Variants in NR1I2 observed in about 807,000 individuals in gnomAD.
The protein encoded by NR1I2 is orphan nuclear receptor PAR1.
A neutral mutation model predicts 43.3 loss-of-function variants in NR1I2; 42 were observed. That is an observed-to-expected ratio of 0.97 (90% CI 0.76 to 1.26). The LOEUF (loss-of-function observed/expected upper bound fraction) is 1.26. Ranked by LOEUF, NR1I2 falls within the 50% of genes most tolerant of loss-of-function variation. The pLI, the probability that NR1I2 is intolerant of heterozygous loss-of-function variation, is 0.00. For missense variants in NR1I2, 559 were observed against 566.7 expected (o/e 0.99, Z 0.14); for synonymous variants, 229 against 215.0 (o/e 1.06, Z -0.57).
At chr3:119,798,317 A>G (rs1435798327) in intron 1 of NR1I2, among the ~76,000 whole-genome samples, 1 of 152,146 alleles carries the variant, frequency 6.6e-6, no homozygotes, top group African/African-American at 2.4e-5. Flanking sequence ...AAAACATCCA[A>G]TGAGTTGTCA....
At chr3:119,792,679 G>A in intron 1 of NR1I2, 1 of 508,516 alleles carries the variant, frequency 2.0e-6, no homozygotes, top group Admixed American at 3.3e-5. Flanking sequence ...TAAAGTGAAG[G>A]AAATACAGAT....
chr3:119,787,770 T>C lies in NR1I2; in HGVS notation c.-23+5470T>C, dbSNP rs372231090. Among the ~76,000 whole-genome samples the C allele has an allele frequency of 9.9e-5, 15 of 151,934 alleles. 1 individual carries two copies. The East Asian group carries it at 2.3e-3, about 24-fold the overall frequency. ...ATATATATTTAATTATGCGTGTGTGTATATATATGTGTGTATACACACATA... is the reference window on the plus strand; with the variant it reads ...ATATATATTTAATTATGCGTGTGTGCATATATATGTGTGTATACACACATA... On this transcript the variant is annotated intron_variant, in intron 1 of 8. Transcript: ENST00000393716.
intron 1 of NR1I2, chr3:119,791,913 G>A: frequency 1.6e-6 from 1 of 641,710 alleles, no homozygotes. Flanking sequence ...TAACATGGAT[G>A]CTGGGCACAG....
intron 8 of NR1I2, among the ~76,000 whole-genome samples, chr3:119,816,037 T>G (rs1350005202): frequency 2.0e-5 from 3 of 152,172 alleles, no homozygotes; most frequent in African/African-American, 7.2e-5. Context: ...GAAAGGGGCT[T>G]CTATACCTTC....
At chr3:119,803,010 C>A in intron 1 of NR1I2, 2 of 455,604 alleles carry the variant, frequency 4.4e-6, no homozygotes, top group Middle Eastern at 3.3e-4. Flanking sequence ...AGGGTAGAAC[C>A]CTCATGATTG....
rs2055345525 is a variant in NR1I2 at position 119,817,358 on chromosome 3, C to A, written c.*146C>A. 1 of 1,533,550 alleles carries A rather than the reference C, an allele frequency of 6.5e-7. No individual in the cohort carries two copies. Among genetic ancestry groups the A allele is most frequent in the Non-Finnish European group, 8.7e-7 (1 of 1,144,362 alleles). 95.0% of individuals were successfully genotyped at this position (1,533,550 alleles called of 1,614,324 possible). A position where few individuals can be genotyped will look rare whatever the true frequency, so the allele number is the denominator to read the frequency against. On this transcript the variant is annotated 3_prime_UTR_variant, in exon 9 of 9. Coordinates refer to ENST00000393716, the MANE Select transcript of NR1I2 (RefSeq NM_003889.4). ...CCCTAGGGAATTCCTGCTATGACAG[C>A]TGGCTAGCATTCCTCAGGAAGGACA...
At chr3:119,791,940 C>T (rs1219647238) in intron 1 of NR1I2, 14 of 666,540 alleles carry the variant, frequency 2.1e-5, no homozygotes, top group East Asian at 3.1e-5. Flanking sequence ...CATCTTTGAC[C>T]GATTCTGTGG....
Position 119,810,151 on chromosome 3 carries a change from C to T in NR1I2, c.288C>T (p.Ala96=). Reference sequence around the variant, plus strand: ...GGAAGACCCGGCGACAGTGCCAGGCCTGCCGCCTGCGCAAGTGCCTGGAGA... The same window carrying T: ...GGAAGACCCGGCGACAGTGCCAGGCTTGCCGCCTGCGCAAGTGCCTGGAGA... The change falls in exon 3 of 9, where the codon GCC becomes GCT. Residue 96 remains alanine (A), a synonymous_variant. Transcript: ENST00000393716. The T allele has an allele frequency of 6.2e-7, 1 of 1,612,850 alleles. No homozygotes were observed. Among genetic ancestry groups the T allele is most frequent in the Non-Finnish European group, 8.5e-7 (1 of 1,179,714 alleles).
At chr3:119,793,847 G>A (rs1330449112) in intron 1 of NR1I2, among the ~76,000 whole-genome samples, 1 of 152,108 alleles carries the variant, frequency 6.6e-6, no homozygotes, top group Non-Finnish European at 1.5e-5. Context: ...ACATTATAGA[G>A]GCATGCCAGG....
intron 1 of NR1I2, among the ~76,000 whole-genome samples, chr3:119,805,520 T>C (rs1430714642): frequency 6.6e-6 from 1 of 152,026 alleles, no homozygotes; most frequent in Admixed American, 6.6e-5. Flanking sequence ...CTGACCAACA[T>C]GGTGAAACCC....
rs774185625 is a variant in NR1I2 at position 119,817,850 on chromosome 3, T to C, written c.*638T>C. The C allele has an allele frequency of 3.0e-4, 303 of 994,472 alleles. No individual in the cohort carries two copies. Among genetic ancestry groups the C allele is most frequent in the Non-Finnish European group, 3.5e-4 (293 of 834,588 alleles). The allele number at this position is 994,472 out of a possible 1,614,324, so 61.6% of individuals were successfully genotyped here. On this transcript the variant is annotated 3_prime_UTR_variant, in exon 9 of 9. Coordinates refer to ENST00000393716, the MANE Select transcript of NR1I2 (RefSeq NM_003889.4). ...ACATCATTCTGTGTCTCTGCATCCATTTGAACACATTATTAAGCACCGATA... is the reference window on the plus strand; with the variant it reads ...ACATCATTCTGTGTCTCTGCATCCACTTGAACACATTATTAAGCACCGATA...
At chr3:119,795,705 G>A (rs1458964291) in intron 1 of NR1I2, among the ~76,000 whole-genome samples, 3 of 152,258 alleles carry the variant, frequency 2.0e-5, no homozygotes, top group South Asian at 2.1e-4. Flanking sequence ...CACTGCCTTA[G>A]TTTTCCCTCT....
intron 5 of NR1I2, among the ~76,000 whole-genome samples, chr3:119,813,681 C>A (rs995949519): frequency 3.3e-5 from 5 of 152,126 alleles, no homozygotes; most frequent in African/African-American, 1.2e-4. Flanking sequence ...CCCAGAGGTT[C>A]TTCTCTGGCC....
chr3:119,810,131 AC>A lies in NR1I2; in HGVS notation c.271del (p.Arg91GlyfsTer17). ...GGGCGCCTGCGAGATCACCCGGAAG[AC>A]CCGGCGACAGTGCCAGGCCTGCCGC... On this transcript the variant is annotated frameshift_variant, in exon 3 of 9. Coordinates refer to ENST00000393716, the MANE Select transcript of NR1I2 (RefSeq NM_003889.4). LOFTEE classifies it high-confidence loss of function. 1 of 1,613,258 alleles carries A rather than the reference AC, an allele frequency of 6.2e-7. No homozygotes were observed. Among genetic ancestry groups the A allele is most frequent in the Non-Finnish European group, 8.5e-7 (1 of 1,179,810 alleles).
intron 1 of NR1I2, among the ~76,000 whole-genome samples, chr3:119,804,100 G>A (rs1044343385): frequency 5.3e-5 from 8 of 151,092 alleles, no homozygotes; most frequent in East Asian, 2.0e-4. Context: ...GGCCAGGCAC[G>A]GTGGCTCACG....
chr3:119,815,468 T>TC (rs769561149), intron 7 of NR1I2, 29 bp downstream of exon 7: 26 of 1,561,744 alleles, frequency 1.7e-5, no homozygotes, highest in East Asian at 6.7e-5. Context: ...CTGCCTGACA[T>TC]CCCCCCCAGC....
chr3:119,815,719 C>G lies in NR1I2; in HGVS notation c.1055-7C>G. On this transcript the variant is annotated splice_polypyrimidine_tract_variant and splice_region_variant and intron_variant, in intron 7 of 8. Transcript: ENST00000393716. ...ATGATCTTGCACCACACCTCCCTCC[C>G]CTCCAGACCGCCCAGGTGTGCTGCA... is the stretch of plus-strand genomic sequence containing the variant. 3 of 1,610,126 alleles carry G rather than the reference C, an allele frequency of 1.9e-6. No homozygotes were observed. Among genetic ancestry groups the G allele is most frequent in the Non-Finnish European group, 2.5e-6 (3 of 1,177,768 alleles).
chr3:119,789,172 C>T (rs1191194221), intron 1 of NR1I2, among the ~76,000 whole-genome samples: 1 of 152,190 alleles, frequency 6.6e-6, no homozygotes, highest in African/African-American at 2.4e-5. Context: ...GGGCCCTGAC[C>T]TCCTAGAGAT....
chr3:119,814,536 G>A (rs947931218), intron 5 of NR1I2, among the ~76,000 whole-genome samples: 16 of 152,242 alleles, frequency 1.1e-4, no homozygotes, highest in Non-Finnish European at 2.2e-4. Context: ...CTGCACTCTG[G>A]AAAGACTTCT....
Sources: gnomAD v4.1 joint callset for allele counts (sites outside exome capture counted in the v4.1 genomes callset) on GRCh38, gnomAD v4.1.1 for gene constraint, MANE v1.5 for transcripts, NCBI Gene and HGNC (gene_info 2026-07-23, HGNC 2026-07-21) for gene names.